The following FRK variants were observed in gnomAD, a reference collection of about 807,000 sequenced individuals.
FRK encodes the protein fyn related Src family tyrosine kinase.
A neutral mutation model predicts 56.4 loss-of-function variants in FRK; 51 were observed. The ratio of observed to expected loss-of-function variants is 0.90; its 90% CI spans 0.72 to 1.14. The LOEUF is 1.14. Ranked by LOEUF, FRK falls within the 50% of genes most tolerant of loss-of-function variation. The probability of loss-of-function intolerance (pLI) is 0.00; values close to 1 mark genes in which losing one functional copy is unlikely to be tolerated. For missense variants in FRK, 570 were observed against 601.4 expected (o/e 0.95, Z 0.55); for synonymous variants, 245 against 217.9 (o/e 1.12, Z -1.10).
intron 2 of FRK, among the ~76,000 whole-genome samples, chr6:115,992,435 T>A (rs923234855): frequency 6.6e-6 from 1 of 151,818 alleles, no homozygotes; most frequent in Non-Finnish European, 1.5e-5. Flanking sequence ...ATGAAAGTGC[T>A]ATGATAAATG....
At chr6:116,053,621 T>C (rs906581106) in intron 1 of FRK, among the ~76,000 whole-genome samples, 2 of 152,124 alleles carry the variant, frequency 1.3e-5, no homozygotes, top group East Asian at 1.9e-4. Flanking sequence ...AAGAATAAAT[T>C]TGATCAAGTT....
chr6:116,051,115 G>T (rs1009843996), intron 1 of FRK, among the ~76,000 whole-genome samples: 1 of 151,948 alleles, frequency 6.6e-6, no homozygotes, highest in Non-Finnish European at 1.5e-5. Flanking sequence ...CTGCCAATGT[G>T]GTATACAACA....
In FRK at chr6:115,967,658, C is replaced by T. The variant is rs536661323; in HGVS notation, c.692G>A (p.Arg231His). Residue 231 changes from arginine (R) to histidine (H), a missense_variant, in exon 4 of 8, where the codon CGC becomes CAC. Arg to His is a conservative substitution (Grantham distance 29). Coordinates refer to ENST00000606080, the MANE Select transcript of FRK (RefSeq NM_002031.3). ...YKTVDQWEID[R>H]NSIQLLKRLG... ...TCGCTTCAGAAGCTGTATGGAGTTG[C>T]GGTCTATCTCCCATTGGTCCACGGT... The T allele has an allele frequency of 8.9e-5, 143 of 1,613,094 alleles. No individual in the cohort carries two copies. The highest frequency in any genetic ancestry group is 6.6e-4 in the Middle Eastern group (4 of 6,056).
Position 115,936,530 on chromosome 6 carries a change from A to T in FRK, c.*5884T>A, listed in dbSNP as rs1411892193. ...AGGTGGGTAATAACAAACTCCTCCAAGCTAAAGGAGCATGTTCTAACCCAA... is the reference window on the plus strand; with the variant it reads ...AGGTGGGTAATAACAAACTCCTCCATGCTAAAGGAGCATGTTCTAACCCAA... On this transcript the variant is annotated 3_prime_UTR_variant, in exon 8 of 8. Coordinates refer to ENST00000606080, the MANE Select transcript of FRK (RefSeq NM_002031.3). 1 of 152,246 alleles carries T rather than the reference A, an allele frequency of 6.6e-6. No homozygotes were observed. Among genetic ancestry groups the T allele is most frequent in the Non-Finnish European group, 1.5e-5 (1 of 68,040 alleles). The allele number at this position is 152,246 out of a possible 1,614,324, so 9.4% of individuals were successfully genotyped here.
Position 116,020,479 on chromosome 6 carries a change from T to A in FRK, c.345-16481A>T, listed in dbSNP as rs113029292. ...GCTAATTTTGTATTTTTAGTAGAGA[T>A]GGGGTTTCACCATGTTGGCCAGGCT... is the stretch of plus-strand genomic sequence containing the variant. On this transcript the variant is annotated intron_variant, in intron 1 of 7. Coordinates refer to ENST00000606080, the MANE Select transcript of FRK (RefSeq NM_002031.3). Among the ~76,000 whole-genome samples, 179 of 152,056 alleles carry A rather than the reference T, an allele frequency of 1.2e-3. 1 individual carries two copies. Among genetic ancestry groups the A allele is most frequent in the Middle Eastern group, 0.01 (3 of 294 alleles).
At chr6:116,036,556 A>G (rs1776487333) in intron 1 of FRK, among the ~76,000 whole-genome samples, 1 of 152,156 alleles carries the variant, frequency 6.6e-6, no homozygotes, top group African/African-American at 2.4e-5. Flanking sequence ...CTGTCAGTGT[A>G]CAATGATGCA....
At chr6:116,046,012 C>T (rs1447744011) in intron 1 of FRK, among the ~76,000 whole-genome samples, 1 of 152,132 alleles carries the variant, frequency 6.6e-6, no homozygotes, top group Non-Finnish European at 1.5e-5. Context: ...CAAAAGAAGA[C>T]ATTTATGCAA....
chr6:115,954,055 G>A (rs1772894840), intron 5 of FRK, among the ~76,000 whole-genome samples: 1 of 152,168 alleles, frequency 6.6e-6, no homozygotes, highest in African/African-American at 2.4e-5. Flanking sequence ...TTCAGAGGGT[G>A]ACCAGTGAAA....
At chr6:116,100,711 C>G in the FRK span, 1 of 344,970 alleles carries the variant, frequency 2.9e-6, no homozygotes, top group South Asian at 1.0e-4. Flanking sequence ...TACCTGACTC[C>G]GGGCGGCGCA....
intron 1 of FRK, among the ~76,000 whole-genome samples, chr6:116,048,550 A>T (rs1262696290): frequency 1.3e-5 from 2 of 151,924 alleles, no homozygotes; most frequent in African/African-American, 4.8e-5. Flanking sequence ...AGGCCCAGGT[A>T]ATTTTTGTAT....
intron 1 of FRK, among the ~76,000 whole-genome samples, chr6:116,009,078 A>AG (rs1454110091): frequency 2.0e-5 from 3 of 152,166 alleles, no homozygotes; most frequent in Non-Finnish European, 2.9e-5. Context: ...ACAAAAAAAA[A>AG]CAGAAGTGAG....
intron 2 of FRK, among the ~76,000 whole-genome samples, chr6:115,999,565 G>A (rs574839890): frequency 6.6e-6 from 1 of 152,190 alleles, no homozygotes; most frequent in East Asian, 1.9e-4. Flanking sequence ...GTTGCTCAAG[G>A]AATAAAGACA....
At chr6:116,006,983 T>C (rs1027541195) in intron 1 of FRK, among the ~76,000 whole-genome samples, 2 of 152,218 alleles carry the variant, frequency 1.3e-5, no homozygotes, top group Non-Finnish European at 2.9e-5. Context: ...TATGAATACA[T>C]GCATGTTTAG....
At chr6:116,010,779 G>C (rs542454909) in intron 1 of FRK, among the ~76,000 whole-genome samples, 18 of 152,230 alleles carry the variant, frequency 1.2e-4, no homozygotes, top group African/African-American at 4.1e-4. Context: ...TTTATGTCTC[G>C]ACACATTCAT....
At chr6:116,044,097 C>T (rs1254063375) in intron 1 of FRK, among the ~76,000 whole-genome samples, 1 of 152,166 alleles carries the variant, frequency 6.6e-6, no homozygotes, top group African/African-American at 2.4e-5. Context: ...TAATTAACAG[C>T]CTTCCAACCA....
rs1003526937 is a variant in FRK, at chr6:115,942,454, G to A, written c.1478C>T (p.Thr493Ile). The change falls in exon 8 of 8, where the codon ACA (threonine) becomes ATA (isoleucine). Residue 493 changes from threonine (T) to isoleucine (I), a missense_variant. Thr to Ile is a moderately conservative substitution (Grantham distance 89). Transcript: ENST00000606080. ...LRWKLEDYFE[T>I]DSSYSDANNF... ...ATTTGCATCTGAATATGAAGAGTCT[G>A]TTTCAAAATAGTCTTCAAGTTTCCA... The A allele has an allele frequency of 6.2e-7, 1 of 1,613,468 alleles. No homozygotes were observed. The highest frequency in any genetic ancestry group is 8.5e-7 in the Non-Finnish European group (1 of 1,179,630).
rs2114490998 is a variant in FRK, at chr6:115,935,967, T to A, written c.*6447A>T. On this transcript the variant is annotated 3_prime_UTR_variant, in exon 8 of 8. Coordinates refer to ENST00000606080, the MANE Select transcript of FRK (RefSeq NM_002031.3). ...ACAGCTCTGAAGAGAGTAGTGGATT[T>A]CCCAGCACAGTGCTCGAGCTCTGGT... The A allele has an allele frequency of 6.6e-6, 1 of 152,580 alleles. No individual in the cohort carries two copies. Among genetic ancestry groups the A allele is most frequent in the East Asian group, 1.9e-4 (1 of 5,184 alleles). 9.5% of individuals were successfully genotyped at this position (152,580 alleles called of 1,614,324 possible). A position where few individuals can be genotyped will look rare whatever the true frequency, so the allele number is the denominator to read the frequency against.
intron 1 of FRK, among the ~76,000 whole-genome samples, chr6:116,059,698 A>G (rs1190752039): frequency 2.6e-5 from 4 of 152,246 alleles, no homozygotes; most frequent in African/African-American, 9.6e-5. Context: ...AAGGTACAGT[A>G]TTAAACACAT....
intron 1 of FRK, among the ~76,000 whole-genome samples, chr6:116,051,099 A>C (rs1476942485): frequency 2.0e-5 from 3 of 152,198 alleles, no homozygotes; most frequent in African/African-American, 7.2e-5. Flanking sequence ...AATCTTCCAA[A>C]TCATGCTGCC....
Sources: allele counts gnomAD v4.1 joint callset (sites outside exome capture counted in the v4.1 genomes callset), GRCh38; gene constraint gnomAD v4.1.1; transcripts MANE v1.5; gene names NCBI Gene and HGNC (gene_info 2026-07-23, HGNC 2026-07-21).